Variants in NALCN observed in about 807,000 individuals in gnomAD.
The protein encoded by NALCN is sodium leak channel, non-selective, also known as sodium leak channel NALCN.
In NALCN, 111 loss-of-function variants were observed where a neutral mutation model predicts 225.3. The observed-to-expected ratio is 0.49, with a 90% CI of 0.42 to 0.58. The LOEUF (loss-of-function observed/expected upper bound fraction) is 0.58. NALCN is among the 20% of genes least tolerant of loss of function. The pLI is 0.00. For missense variants in NALCN, 1,378 were observed against 2,202.4 expected, an observed-to-expected ratio of 0.63 and a Z score of 7.49; for synonymous variants, 764 against 769.0, an observed-to-expected ratio of 0.99 and a Z score of 0.11.
intron 1 of NALCN, among the ~76,000 whole-genome samples, chr13:101,403,955 G>A (rs80331832): frequency 0.02 from 3,122 of 152,304 alleles, 99 homozygotes; most frequent in African/African-American, 0.071. Context: ...GCTAGCAGAA[G>A]TTTCTCATTC....
intron 3 of NALCN, among the ~76,000 whole-genome samples, chr13:101,384,495 TG>T (rs2046933596): frequency 6.6e-6 from 1 of 152,112 alleles, no homozygotes; most frequent in African/African-American, 2.4e-5. Flanking sequence ...AGTGACAAAA[TG>T]ATATGCACTG....
intron 27 of NALCN, 146 bp downstream of exon 27, chr13:101,100,638 T>C: frequency 3.6e-6 from 2 of 548,184 alleles, no homozygotes; most frequent in South Asian, 3.3e-5. Flanking sequence ...TGGAGTACAG[T>C]GGTGAGATCA....
chr13:101,070,568 A>C (rs1348867559), intron 37 of NALCN, among the ~76,000 whole-genome samples: 1 of 152,218 alleles, frequency 6.6e-6, no homozygotes, highest in East Asian at 1.9e-4. Flanking sequence ...GCATGAAAAC[A>C]ATGTTAATCT....
At chr13:101,267,132 C>T (rs768557067) in intron 10 of NALCN, among the ~76,000 whole-genome samples, 29 of 152,148 alleles carry the variant, frequency 1.9e-4, no homozygotes, top group Non-Finnish European at 3.8e-4. Flanking sequence ...AATGGAGAGC[C>T]GAGTAAGGGA....
intron 1 of NALCN, among the ~76,000 whole-genome samples, chr13:101,415,224 T>TATATATATATATATATATATATAC (rs1566669133): frequency 3.6e-4 from 28 of 76,756 alleles, no homozygotes; most frequent in South Asian, 6.5e-4. Flanking sequence ...TATATATATA[T>TATATATATATATATATATATATAC]ACATACATAT....
chr13:101,061,362 ACAT>A (rs951799742), intron 41 of NALCN, among the ~76,000 whole-genome samples: 3 of 150,788 alleles, frequency 2.0e-5, no homozygotes, highest in African/African-American at 4.9e-5. Flanking sequence ...TAATAAATGG[ACAT>A]CATATTTTAA....
chr13:101,142,430 T>C (rs658927), intron 17 of NALCN, among the ~76,000 whole-genome samples: 11,826 of 152,074 alleles, frequency 0.078, 639 homozygotes, highest in African/African-American at 0.16. Flanking sequence ...GGGTGAGCCA[T>C]GGCACACAGC....
intron 7 of NALCN, among the ~76,000 whole-genome samples, chr13:101,336,069 A>C (rs2045368551): frequency 6.6e-6 from 1 of 152,144 alleles, no homozygotes; most frequent in South Asian, 2.1e-4. Context: ...TAGAATACTA[A>C]TAGAAAAAGA....
At chr13:101,232,884 C>G (rs2041407496) in intron 12 of NALCN, among the ~76,000 whole-genome samples, 1 of 152,018 alleles carries the variant, frequency 6.6e-6, no homozygotes. Flanking sequence ...GAATAATAAT[C>G]TGGAAAGATT....
chr13:101,207,785 G>A (rs2140063323), intron 13 of NALCN, among the ~76,000 whole-genome samples: 1 of 152,322 alleles, frequency 6.6e-6, no homozygotes, highest in African/African-American at 2.4e-5. Context: ...GACCACCCAA[G>A]CCAGCAGCAG....
At chr13:101,109,761 T>C (rs1594224773) in intron 20 of NALCN, among the ~76,000 whole-genome samples, 1 of 152,310 alleles carries the variant, frequency 6.6e-6, no homozygotes, top group African/African-American at 2.4e-5. Context: ...TTGGCTTCTC[T>C]GCATTTTTTT....
chr13:101,130,090 G>A (rs666740), intron 17 of NALCN, among the ~76,000 whole-genome samples: 11,389 of 152,024 alleles, frequency 0.075, 562 homozygotes, highest in African/African-American at 0.15. Flanking sequence ...TGGTGTATAC[G>A]TGCCACGTTT....
intron 28 of NALCN, among the ~76,000 whole-genome samples, chr13:101,092,551 A>G (rs1212286961): frequency 1.3e-5 from 2 of 152,086 alleles, no homozygotes; most frequent in African/African-American, 4.8e-5. Context: ...GCTAGTTCCT[A>G]TTGGTTGTCC....
intron 6 of NALCN, among the ~76,000 whole-genome samples, chr13:101,351,874 C>G (rs2045917152): frequency 6.6e-6 from 1 of 152,190 alleles, no homozygotes; most frequent in Non-Finnish European, 1.5e-5. Flanking sequence ...TAAGATTCCT[C>G]TCTTCGTTAT....
chr13:101,256,366 G>A (rs2042228782), intron 11 of NALCN, among the ~76,000 whole-genome samples: 1 of 151,904 alleles, frequency 6.6e-6, no homozygotes, highest in South Asian at 2.1e-4. Flanking sequence ...CAACTCCTTT[G>A]CCAGCAATCC....
At chr13:101,349,964 G>A (rs1428331362) in intron 6 of NALCN, among the ~76,000 whole-genome samples, 1 of 152,114 alleles carries the variant, frequency 6.6e-6, no homozygotes, top group Non-Finnish European at 1.5e-5. Context: ...TTAGAATCAT[G>A]CTTGATACCT....
chr13:101,069,020 G>C (rs1373328325), intron 37 of NALCN, among the ~76,000 whole-genome samples, 193 bp from the exon 38 acceptor site: 2 of 152,192 alleles, frequency 1.3e-5, no homozygotes, highest in African/African-American at 4.8e-5. Flanking sequence ...CTTATGCTAT[G>C]CTGTTATCTT....
At chr13:101,335,574 A>G (rs1193343907) in intron 7 of NALCN, among the ~76,000 whole-genome samples, 1 of 152,152 alleles carries the variant, frequency 6.6e-6, no homozygotes, top group Non-Finnish European at 1.5e-5. Flanking sequence ...CAGAATTATC[A>G]TAGATGAAGC....
chr13:101,147,357 T>C (rs937543333), intron 15 of NALCN, among the ~76,000 whole-genome samples: 113 of 106,468 alleles, frequency 1.1e-3, no homozygotes, highest in African/African-American at 3.4e-3. Context: ...TCTCTCTCTT[T>C]TTTTTTTTTT....
Sources: allele counts gnomAD v4.1 joint callset (sites outside exome capture counted in the v4.1 genomes callset), GRCh38; gene constraint gnomAD v4.1.1; transcripts MANE v1.5; gene names NCBI Gene and HGNC (gene_info 2026-07-23, HGNC 2026-07-21).